ADAMTS20: variants seen among roughly 807,000 people sequenced by gnomAD.
The protein encoded by ADAMTS20 is A disintegrin and metalloproteinase with thrombospondin motifs 20.
A neutral mutation model predicts 260.1 loss-of-function variants in ADAMTS20; 225 were observed. The observed-to-expected ratio is 0.87, with a 90% CI of 0.78 to 0.97. ADAMTS20 has a LOEUF of 0.97. Among genes scored for constraint, ADAMTS20 ranks in the 50% least tolerant of loss-of-function variants. The pLI is 0.00. For synonymous variants in ADAMTS20, 802 were observed against 769.5 expected, an observed-to-expected ratio of 1.04 and a Z score of -0.70; for missense variants, 2,400 against 2,337.7, an observed-to-expected ratio of 1.03 and a Z score of -0.55.
rs767304473 is a variant in ADAMTS20 at position 43,452,393 on chromosome 12, A to G, written c.1960T>C (p.Cys654Arg). 2.5e-6 allele frequency: 4 copies of G among 1,612,146 alleles called. No homozygotes were observed. The highest frequency in any genetic ancestry group is 1.3e-5 in the African/African-American group (1 of 74,816). ...RYSGIGTKDR[C>R]KLYCQVAGTN... ...CCAGCAACCTGACAATAGAGTTTAC[A>G]ACGATCCTTTGTGCCAACTGTAAAA... The change falls in exon 14 of 39, where the codon TGT becomes CGT. Residue 654 changes from cysteine to arginine, a missense_variant. Transcript: ENST00000389420.
chr12:43,375,607 T>C (rs954070707), intron 35 of ADAMTS20, 95 bp from the exon 36 acceptor site: 4 of 1,335,222 alleles, frequency 3.0e-6, no homozygotes, highest in Non-Finnish European at 4.2e-6. Context: ...ACACTCCTGC[T>C]CTTTAATATT....
chr12:43,550,616 A>G (rs922555396), intron 2 of ADAMTS20, among the ~76,000 whole-genome samples: 2 of 152,080 alleles, frequency 1.3e-5, no homozygotes, highest in African/African-American at 4.8e-5. Flanking sequence ...AACACACTCC[A>G]TTGTAACAGT....
intron 6 of ADAMTS20, among the ~76,000 whole-genome samples, chr12:43,491,086 T>C (rs1648898644): frequency 6.6e-6 from 1 of 152,134 alleles, no homozygotes; most frequent in Non-Finnish European, 1.5e-5. Context: ...CTGCATAACA[T>C]GTTTCAGTCA....
At chr12:43,422,986 T>C (rs1941263560) in intron 28 of ADAMTS20, 1 of 152,070 alleles carries the variant, frequency 6.6e-6, no homozygotes, top group Non-Finnish European at 1.5e-5. Context: ...GTAGAGAAGG[T>C]TGATAAACCT....
At chr12:43,433,217 C>G (rs965594857) in intron 19 of ADAMTS20, among the ~76,000 whole-genome samples, 2 of 152,144 alleles carry the variant, frequency 1.3e-5, no homozygotes, top group Admixed American at 1.3e-4. Context: ...AAAAATAAAG[C>G]ATTTAAAAAG....
chr12:43,424,391 C>A (rs1941291364), intron 28 of ADAMTS20, among the ~76,000 whole-genome samples: 1 of 151,982 alleles, frequency 6.6e-6, no homozygotes, highest in Non-Finnish European at 1.5e-5. Flanking sequence ...AAAATATTCC[C>A]AAACCACTAA....
chr12:43,507,410 T>C (rs1942862174), intron 3 of ADAMTS20, among the ~76,000 whole-genome samples: 1 of 152,152 alleles, frequency 6.6e-6, no homozygotes, highest in South Asian at 2.1e-4. Context: ...GGCCCTCATC[T>C]AAGAAGAGAA....
chr12:43,497,017 C>T (rs1334374941), intron 4 of ADAMTS20, among the ~76,000 whole-genome samples: 1 of 152,144 alleles, frequency 6.6e-6, no homozygotes, highest in African/African-American at 2.4e-5. Context: ...AACGTATCAT[C>T]CTATTCTAAA....
chr12:43,548,725 A>G (rs753842795), intron 2 of ADAMTS20, among the ~76,000 whole-genome samples: 3 of 152,014 alleles, frequency 2.0e-5, no homozygotes, highest in South Asian at 2.1e-4. Context: ...ACTGAAAAAA[A>G]TGTAGATCTT....
intron 3 of ADAMTS20, among the ~76,000 whole-genome samples, chr12:43,521,685 G>T (rs1188968864): frequency 3.9e-5 from 6 of 152,020 alleles, no homozygotes; most frequent in Non-Finnish European, 5.9e-5. Flanking sequence ...AAACATTTTT[G>T]ATAATATCTC....
intron 11 of ADAMTS20, among the ~76,000 whole-genome samples, chr12:43,458,178 C>T (rs1038021185): frequency 6.6e-6 from 1 of 152,158 alleles, no homozygotes; most frequent in Non-Finnish European, 1.5e-5. Context: ...CCCCTCCCCA[C>T]CCCCCAATGG....
chr12:43,418,059 G>A (rs917145331), intron 28 of ADAMTS20, among the ~76,000 whole-genome samples: 1 of 152,064 alleles, frequency 6.6e-6, no homozygotes, highest in Non-Finnish European at 1.5e-5. Flanking sequence ...GACTTTTGCT[G>A]GTTAAGTTTA....
Position 43,373,957 on chromosome 12 carries a change from GC to G in ADAMTS20, c.5446+1421del, listed in dbSNP as rs551997162. Reference sequence around the variant, plus strand: ...GCCTCCCAAAGTGCTGGGATTACAGGCGTGAGTCACCGCGCCCGGCCGAAAT... The same window carrying G: ...GCCTCCCAAAGTGCTGGGATTACAGGGTGAGTCACCGCGCCCGGCCGAAAT... On this transcript the variant is annotated intron_variant, in intron 36 of 38. Transcript: ENST00000389420. 7.6e-4 allele frequency among the ~76,000 whole-genome samples: 116 copies of G among 152,072 alleles called. 1 individual carries two copies. The highest frequency in any genetic ancestry group is 2.6e-3 in the African/African-American group (109 of 41,504).
rs1222701900 is a variant in ADAMTS20 at position 43,551,115 on chromosome 12, T to A, written c.247A>T (p.Thr83Ser). Residue 83 changes from threonine to serine, a missense_variant, in exon 2 of 39, where the codon ACT (threonine) becomes TCT (serine). Transcript: ENST00000389420. The surrounding 1 kb of genome is among the most constrained non-coding windows in gnomAD (Gnocchi z 4.6). ...AGCTGGAAGAGCTGCCCGTAGGCAG[T>A]GAAGCGATAGTGGGTTCGGAACGGC... ...PMPFRTHYRF[T>S]AYGQLFQLNL... 1 of 1,613,880 alleles carries A rather than the reference T, an allele frequency of 6.2e-7. No individual in the cohort carries two copies. Among genetic ancestry groups the A allele is most frequent in the East Asian group, 2.2e-5 (1 of 44,838 alleles).
At chr12:43,397,663 T>A (rs905074231) in intron 29 of ADAMTS20, among the ~76,000 whole-genome samples, 49 of 152,152 alleles carry the variant, frequency 3.2e-4, no homozygotes, top group Admixed American at 3.2e-3. Flanking sequence ...AATAGAGAAA[T>A]CTTTTAAATC....
chr12:43,544,665 C>T (rs998447461), intron 2 of ADAMTS20, among the ~76,000 whole-genome samples: 1 of 152,058 alleles, frequency 6.6e-6, no homozygotes, highest in African/African-American at 2.4e-5. Context: ...GAGAGAAGAG[C>T]AAATATAAAT....
chr12:43,501,474 C>T (rs1276274611), intron 4 of ADAMTS20, among the ~76,000 whole-genome samples: 24 of 110,482 alleles, frequency 2.2e-4, no homozygotes, highest in African/African-American at 6.3e-4. Context: ...CGCGCGCGCG[C>T]GCGCGCGCAC....
At chr12:43,359,426 A>G (rs1295407993) in intron 37 of ADAMTS20, among the ~76,000 whole-genome samples, 1 of 152,236 alleles carries the variant, frequency 6.6e-6, no homozygotes, top group Non-Finnish European at 1.5e-5. Context: ...ACATTTTATT[A>G]TGTATGTAAT....
At chr12:43,374,146 A>C (rs1037048777) in intron 36 of ADAMTS20, among the ~76,000 whole-genome samples, 2 of 152,174 alleles carry the variant, frequency 1.3e-5, no homozygotes, top group African/African-American at 4.8e-5. Flanking sequence ...AATTACACCC[A>C]GACAGTCTAG....
Sources: allele counts gnomAD v4.1 joint callset (sites outside exome capture counted in the v4.1 genomes callset), GRCh38; gene constraint gnomAD v4.1.1; non-coding constraint Gnocchi (gnomAD v3.1); transcripts MANE v1.5; gene names NCBI Gene and HGNC (gene_info 2026-07-23, HGNC 2026-07-21).